PHIP: variants seen among roughly 807,000 people sequenced by gnomAD.
PHIP encodes the protein PH-interacting protein.
Under a neutral mutation model 236.8 loss-of-function variants are expected in PHIP, and 54 were observed. That is an observed-to-expected ratio of 0.23 (90% CI 0.18 to 0.29). The LOEUF (loss-of-function observed/expected upper bound fraction) is 0.29. Ranked by LOEUF, PHIP falls within the 10% of genes least tolerant of loss-of-function variation. PHIP has a pLI of 1.00. For missense variants in PHIP, 1,370 were observed against 2,190.8 expected, an observed-to-expected ratio of 0.63 and a Z score of 7.48; for synonymous variants, 756 against 718.9, an observed-to-expected ratio of 1.05 and a Z score of -0.83.
Position 78,955,289 on chromosome 6 carries a change from G to A in PHIP, c.3853-7C>T. On this transcript the variant is annotated splice_polypyrimidine_tract_variant and splice_region_variant and intron_variant, in intron 33 of 39. Transcript: ENST00000275034. ...CAGCATCTTTCTCTTCATCCTTTGA[G>A]GCAAGAATTTACCAGATTCATAAAA... 1 of 1,599,280 alleles carries A rather than the reference G, an allele frequency of 6.3e-7. No individual in the cohort carries two copies. The highest frequency in any genetic ancestry group is 8.6e-7 in the Non-Finnish European group (1 of 1,168,634).
rs1200328447 is a variant in PHIP, at chr6:79,034,080, TATA to T, written c.601-7919_601-7917del. Among the ~76,000 whole-genome samples the T allele has an allele frequency of 2.6e-5, 4 of 152,066 alleles. No homozygotes were observed. In the East Asian group the frequency reaches 7.7e-4, roughly 29 times the overall value. On this transcript the variant is annotated intron_variant, in intron 7 of 39. Transcript: ENST00000275034. ...AGAGATTATAGATCACCATAACAGT[TATA>T]ATAATAATGAAAAAGCTTGAAATAT...
At chr6:79,035,142 C>G (rs1187179686) in intron 7 of PHIP, among the ~76,000 whole-genome samples, 1 of 152,114 alleles carries the variant, frequency 6.6e-6, no homozygotes, top group Non-Finnish European at 1.5e-5. Flanking sequence ...CAGGGACATT[C>G]CAGACCTCCC....
At chr6:79,040,841 A>C (rs1772175442) in intron 7 of PHIP, among the ~76,000 whole-genome samples, 1 of 152,054 alleles carries the variant, frequency 6.6e-6, no homozygotes. Context: ...TACAAATGAG[A>C]CTGAATTTAG....
At chr6:78,967,288 C>T (rs1017582278) in intron 27 of PHIP, among the ~76,000 whole-genome samples, 10 of 152,124 alleles carry the variant, frequency 6.6e-5, no homozygotes, top group African/African-American at 2.2e-4. Flanking sequence ...TGACACTTAA[C>T]AAAAAGCTAC....
At chr6:78,977,508 T>TA (rs1428356422) in intron 24 of PHIP, among the ~76,000 whole-genome samples, 3 of 152,136 alleles carry the variant, frequency 2.0e-5, no homozygotes, top group Non-Finnish European at 4.4e-5. Flanking sequence ...ACATGTACCC[T>TA]AAAACTTAAA....
At chr6:79,041,156 GGC>G (rs1307888082) in intron 7 of PHIP, among the ~76,000 whole-genome samples, 2 of 152,082 alleles carry the variant, frequency 1.3e-5, no homozygotes, top group African/African-American at 2.4e-5. Flanking sequence ...GTAGTGCACA[GGC>G]AACCATAGAC....
At chr6:78,990,471 C>T (rs911187046) in intron 20 of PHIP, among the ~76,000 whole-genome samples, 1 of 152,046 alleles carries the variant, frequency 6.6e-6, no homozygotes, top group Admixed American at 6.6e-5. Flanking sequence ...TCTATAGCAG[C>T]ATTAGCTGAC....
At chr6:78,971,618 G>A (rs970891253) in intron 24 of PHIP, among the ~76,000 whole-genome samples, 2 of 152,092 alleles carry the variant, frequency 1.3e-5, no homozygotes, top group Non-Finnish European at 1.5e-5. Flanking sequence ...CTGAGGTAAC[G>A]GGTTCATCTC....
intron 19 of PHIP, among the ~76,000 whole-genome samples, chr6:78,992,561 C>T (rs890163777): frequency 6.6e-6 from 1 of 151,802 alleles, no homozygotes. Context: ...ATGCTAACTT[C>T]GTGTCTCTGT....
intron 39 of PHIP, among the ~76,000 whole-genome samples, chr6:78,944,533 G>A (rs563185230): frequency 6.6e-6 from 1 of 152,264 alleles, no homozygotes; most frequent in Non-Finnish European, 1.5e-5. Flanking sequence ...TTTAAGAGAT[G>A]TTATGGAGGG....
At chr6:79,003,222 T>C (rs79371577) in intron 16 of PHIP, among the ~76,000 whole-genome samples, 3,654 of 152,026 alleles carry the variant, frequency 0.024, 47 homozygotes, top group Non-Finnish European at 0.037. Flanking sequence ...CTAGGCAACA[T>C]AGTGAGACAT....
intron 7 of PHIP, among the ~76,000 whole-genome samples, chr6:79,030,331 G>C (rs1292918112): frequency 6.6e-6 from 1 of 152,150 alleles, no homozygotes; most frequent in African/African-American, 2.4e-5. Context: ...TACCTCAACT[G>C]ACATAGTTTT....
In PHIP at chr6:79,017,564, C is replaced by T. The variant is rs36092348; in HGVS notation, c.1014G>A (p.Thr338=). 1.1e-3 allele frequency: 1,694 copies of T among 1,611,446 alleles called. 19 individuals carry two copies. In the African/African-American group the frequency reaches 0.02, roughly 19 times the overall value. ...CCCGAATAATATGATCTGTGCTTCC[C>T]GTCGCCAGAAACATTCCACCTATGA... The part of the protein sequence containing the change: ...SFSAGGMFLA[T]GSTDHIIRVY... Residue 338 remains threonine (T), a synonymous_variant, in exon 11 of 40, where the codon ACG becomes ACA. Coordinates refer to ENST00000275034, the MANE Select transcript of PHIP (RefSeq NM_017934.7).
Position 78,936,435 on chromosome 6 carries a change from CATT to C in PHIP, c.*4255_*4257del, listed in dbSNP as rs1259091961. The C allele has an allele frequency of 6.6e-6, 1 of 151,830 alleles. No individual in the cohort carries two copies. The highest frequency in any genetic ancestry group is 2.4e-5 in the African/African-American group (1 of 41,416). 9.4% of individuals were successfully genotyped at this position (151,830 alleles called of 1,614,324 possible). ...TGTATTGTCTCATGTTATAGTCTAT[CATT>C]GTGACTAATCAACACACACAATCTT... On this transcript the variant is annotated 3_prime_UTR_variant, in exon 40 of 40. Transcript: ENST00000275034.
chr6:79,077,361 T>A, intron 4 of PHIP, 87 bp downstream of exon 4: 9 of 1,252,050 alleles, frequency 7.2e-6, no homozygotes, highest in Non-Finnish European at 1.0e-5. Context: ...TAGGGCCAAG[T>A]TTTTGTCTCT....
chr6:79,060,881 A>G (rs1407595364), intron 4 of PHIP, 63 bp from the exon 5 acceptor site: 3 of 1,144,632 alleles, frequency 2.6e-6, no homozygotes, highest in East Asian at 2.5e-5. Flanking sequence ...AAAATCTTTG[A>G]GCAACAATAA....
At position 79,038,724 on chromosome 6, in the gene PHIP, T is replaced by C. The variant is rs148820093; in HGVS notation, c.600+4119A>G. Among the ~76,000 whole-genome samples, 95 of 152,226 alleles carry C rather than the reference T, an allele frequency of 6.2e-4. 1 individual carries two copies. The South Asian group carries it at 7.9e-3, about 13-fold the overall frequency. ...ATTAGATACATACAAGATAATGTAT[T>C]CCATTTTCCAAGCTGAATGATTCCT... is the stretch of plus-strand genomic sequence containing the variant. On this transcript the variant is annotated intron_variant, in intron 7 of 39. Coordinates refer to ENST00000275034, the MANE Select transcript of PHIP (RefSeq NM_017934.7).
intron 20 of PHIP, among the ~76,000 whole-genome samples, chr6:78,990,092 G>A (rs1178506464): frequency 2.6e-5 from 4 of 152,104 alleles, no homozygotes; most frequent in Non-Finnish European, 5.9e-5. Flanking sequence ...TGAAAAAAAG[G>A]AAGGAACACG....
chr6:78,961,894 A>T, intron 30 of PHIP, 84 bp from the exon 31 acceptor site: 2 of 1,067,218 alleles, frequency 1.9e-6, no homozygotes, highest in Non-Finnish European at 2.7e-6. Flanking sequence ...TAAGACTTAA[A>T]AAGTCCTAAT....
Sources: gnomAD v4.1 joint callset for allele counts (sites outside exome capture counted in the v4.1 genomes callset) on GRCh38, gnomAD v4.1.1 for gene constraint, MANE v1.5 for transcripts, NCBI Gene and HGNC (gene_info 2026-07-23, HGNC 2026-07-21) for gene names.